The following CDH19 variants were observed in gnomAD, a reference collection of about 807,000 sequenced individuals.
The protein encoded by CDH19 is cadherin 19.
In CDH19, 67 loss-of-function variants were observed where a neutral mutation model predicts 64.2. That is an observed-to-expected ratio of 1.04 (90% CI 0.86 to 1.28). The LOEUF is 1.28. CDH19 is among the 50% of genes most tolerant of loss of function. The pLI is 0.00. For missense variants in CDH19, 1,030 were observed against 929.0 expected (o/e 1.11, Z -1.41); for synonymous variants, 346 against 319.3 (o/e 1.08, Z -0.89).
At chr18:66,540,184 C>A (rs1398661381) in intron 7 of CDH19, among the ~76,000 whole-genome samples, 1 of 152,136 alleles carries the variant, frequency 6.6e-6, no homozygotes, top group Non-Finnish European at 1.5e-5. Flanking sequence ...TACTCCGTTG[C>A]TTTCAGTTTC....
chr18:66,561,037 T>C (rs1987703080), intron 3 of CDH19, among the ~76,000 whole-genome samples: 1 of 152,090 alleles, frequency 6.6e-6, no homozygotes, highest in East Asian at 1.9e-4. Context: ...CATCATTTAA[T>C]GAGTTTCTTA....
At chr18:66,584,322 T>C (rs1988512109) in intron 1 of CDH19, among the ~76,000 whole-genome samples, 1 of 152,024 alleles carries the variant, frequency 6.6e-6, no homozygotes, top group African/African-American at 2.4e-5. Flanking sequence ...GAATGGCTAT[T>C]ATGAAAAACT....
intron 8 of CDH19, among the ~76,000 whole-genome samples, chr18:66,533,135 T>C (rs1417707574): frequency 1.3e-5 from 2 of 151,924 alleles, no homozygotes; most frequent in Admixed American, 1.3e-4. Context: ...AAATTGAATT[T>C]TCCCAACAAT....
chr18:66,540,200 T>C (rs1986834711), intron 7 of CDH19, among the ~76,000 whole-genome samples: 1 of 152,210 alleles, frequency 6.6e-6, no homozygotes, highest in Admixed American at 6.5e-5. Flanking sequence ...GTTTCACTGC[T>C]TGTGATCTAA....
At chr18:66,575,628 T>G (rs566864499) in intron 1 of CDH19, among the ~76,000 whole-genome samples, 1 of 151,802 alleles carries the variant, frequency 6.6e-6, no homozygotes, top group Non-Finnish European at 1.5e-5. Context: ...TAATCTTCAA[T>G]AAAGGAAAGT....
chr18:66,553,536 G>A (rs1472586368), intron 4 of CDH19, among the ~76,000 whole-genome samples: 2 of 133,962 alleles, frequency 1.5e-5, no homozygotes, highest in Non-Finnish European at 3.1e-5. Context: ...AATGTTTAAA[G>A]ATCCAACACA....
At position 66,550,115 on chromosome 18, in the gene CDH19, A is replaced by G. The variant is rs115863518; in HGVS notation, c.775+979T>C. Reference sequence around the variant, plus strand: ...TTGGCTCTTTTCTTTGTTCCATGCTAATTAAATTTTCTTCCTAGCATGATA... The same window carrying G: ...TTGGCTCTTTTCTTTGTTCCATGCTGATTAAATTTTCTTCCTAGCATGATA... On this transcript the variant is annotated intron_variant, in intron 5 of 11. Coordinates refer to ENST00000262150, the MANE Select transcript of CDH19 (RefSeq NM_021153.4). 5.9e-3 allele frequency among the ~76,000 whole-genome samples: 896 copies of G among 152,200 alleles called. 11 individuals are homozygous for G. Among genetic ancestry groups the G allele is most frequent in the African/African-American group, 0.02 (848 of 41,528 alleles).
chr18:66,537,639 T>C (rs936408812), intron 7 of CDH19, among the ~76,000 whole-genome samples: 1 of 152,084 alleles, frequency 6.6e-6, no homozygotes, highest in Non-Finnish European at 1.5e-5. Flanking sequence ...ATGTTAACAT[T>C]TTTTAATACT....
intron 11 of CDH19, 35 bp from the exon 12 acceptor site, chr18:66,505,337 A>G (rs1985142576): frequency 6.8e-7 from 1 of 1,471,268 alleles, no homozygotes. Flanking sequence ...ATCAATAAAC[A>G]ATAAAGAGTA....
intron 1 of CDH19, among the ~76,000 whole-genome samples, chr18:66,599,492 C>T (rs1458358347): frequency 2.0e-5 from 3 of 151,730 alleles, no homozygotes; most frequent in African/African-American, 4.8e-5. Context: ...GACAGTGTGG[C>T]GAATACAGTT....
Position 66,554,535 on chromosome 18 carries a change from C to T in CDH19, c.491-11G>A. Reference sequence around the variant, plus strand: ...GGATAACTAATGTTCCTAAAGAGAACATAATACAGGAAATTAAGATTGTGG... The same window carrying T: ...GGATAACTAATGTTCCTAAAGAGAATATAATACAGGAAATTAAGATTGTGG... On this transcript the variant is annotated splice_polypyrimidine_tract_variant and intron_variant, in intron 3 of 11. Coordinates refer to ENST00000262150, the MANE Select transcript of CDH19 (RefSeq NM_021153.4). 2.5e-6 allele frequency: 4 copies of T among 1,605,948 alleles called. No individual in the cohort carries two copies. The highest frequency in any genetic ancestry group is 2.2e-5 in the East Asian group (1 of 44,580).
intron 1 of CDH19, among the ~76,000 whole-genome samples, chr18:66,585,668 G>A (rs956072273): frequency 3.2e-4 from 48 of 152,102 alleles, no homozygotes; most frequent in Middle Eastern, 3.4e-3. Context: ...TCTCAAGGTC[G>A]AAATATTCAG....
chr18:66,534,423 A>T (rs1986577551), intron 8 of CDH19, among the ~76,000 whole-genome samples: 1 of 152,018 alleles, frequency 6.6e-6, no homozygotes, highest in Non-Finnish European at 1.5e-5. Flanking sequence ...ACAAAGAGTG[A>T]AGAAAGGAAA....
chr18:66,591,426 G>C (rs1374450950), intron 1 of CDH19, among the ~76,000 whole-genome samples: 3 of 151,828 alleles, frequency 2.0e-5, no homozygotes, highest in Admixed American at 6.6e-5. Context: ...CTCCTTCCAA[G>C]TCAGAACGAT....
chr18:66,529,441 G>A (rs1328411223), intron 9 of CDH19, among the ~76,000 whole-genome samples: 1 of 150,944 alleles, frequency 6.6e-6, no homozygotes, highest in Non-Finnish European at 1.5e-5. Context: ...GTAAACTACT[G>A]AATCACTATC....
At position 66,504,999 on chromosome 18, in the gene CDH19, C is replaced by T. The variant is rs745653400; in HGVS notation, c.2132G>A (p.Cys711Tyr). 1.1e-5 allele frequency: 17 copies of T among 1,613,460 alleles called. No individual in the cohort carries two copies. Among genetic ancestry groups the T allele is most frequent in the Non-Finnish European group, 1.4e-5 (16 of 1,179,726 alleles). Residue 711 changes from cysteine (C) to tyrosine (Y), a missense_variant, in exon 12 of 12, where the codon TGT becomes TAT. By Grantham distance (194) the Cys-to-Tyr change is radical. Coordinates refer to ENST00000262150, the MANE Select transcript of CDH19 (RefSeq NM_021153.4). ...CTGGAGGGAATCAAAAGGAGGGGCA[C>T]ACGGATCAGTATTAGCTTCTTCGAG... The part of the protein sequence containing the change: ...EKLEEANTDP[C>Y]APPFDSLQTY...
At chr18:66,517,667 T>C (rs564672671) in intron 9 of CDH19, among the ~76,000 whole-genome samples, 3 of 152,062 alleles carry the variant, frequency 2.0e-5, no homozygotes, top group South Asian at 2.1e-4. Flanking sequence ...CCAAAGTAGA[T>C]AGATATAAGA....
chr18:66,584,684 G>A (rs1435354046), intron 1 of CDH19, among the ~76,000 whole-genome samples: 2 of 152,100 alleles, frequency 1.3e-5, no homozygotes, highest in Non-Finnish European at 1.5e-5. Flanking sequence ...GATAAGAAAT[G>A]TGGTACACAT....
At chr18:66,574,813 A>C (rs1988218745) in intron 1 of CDH19, among the ~76,000 whole-genome samples, 1 of 151,844 alleles carries the variant, frequency 6.6e-6, no homozygotes, top group Admixed American at 6.6e-5. Context: ...TAGAATAACA[A>C]AGATAAAGTT....
Sources: gnomAD v4.1 joint callset for allele counts (sites outside exome capture counted in the v4.1 genomes callset) on GRCh38, gnomAD v4.1.1 for gene constraint, MANE v1.5 for transcripts, NCBI Gene and HGNC (gene_info 2026-07-23, HGNC 2026-07-21) for gene names.